ZNF385B: variants seen among roughly 807,000 people sequenced by gnomAD.
ZNF385B encodes zinc finger protein 385B.
A neutral mutation model predicts 39.2 loss-of-function variants in ZNF385B; 23 were observed. The ratio of observed to expected loss-of-function variants is 0.59; its 90% CI spans 0.42 to 0.83. ZNF385B has a LOEUF of 0.83. Among genes scored for constraint, ZNF385B ranks in the 40% least tolerant of loss-of-function variants. ZNF385B has a pLI of 0.00. For synonymous variants in ZNF385B, 205 were observed against 222.6 expected (o/e 0.92, Z 0.70); for missense variants, 552 against 598.9 (o/e 0.92, Z 0.82).
intron 3 of ZNF385B, among the ~76,000 whole-genome samples, chr2:179,705,234 G>A (rs575601480): frequency 1.3e-5 from 2 of 152,116 alleles, no homozygotes; most frequent in African/African-American, 4.8e-5. Flanking sequence ...ACTCATCTCT[G>A]GGCTAGGAGT....
chr2:179,861,493 G>C lies in ZNF385B; in HGVS notation c.-547C>G, dbSNP rs1008977705. On this transcript the variant is annotated 5_prime_UTR_variant, in exon 1 of 10. Transcript: ENST00000410066. Reference sequence around the variant, plus strand: ...CCCCTGGCCTGGCCGAGGACCCCGGGGTTTGGACGTGCCAACGCCACTCTC... The same window carrying C: ...CCCCTGGCCTGGCCGAGGACCCCGGCGTTTGGACGTGCCAACGCCACTCTC... 1 of 152,264 alleles carries C rather than the reference G, an allele frequency of 6.6e-6. No homozygotes were observed. The highest frequency in any genetic ancestry group is 1.5e-5 in the Non-Finnish European group (1 of 68,162). The allele number at this position is 152,264 out of a possible 1,614,324, so 9.4% of individuals were successfully genotyped here. A position where few individuals can be genotyped will look rare whatever the true frequency, so the allele number is the denominator to read the frequency against.
chr2:179,564,195 C>T (rs1226027499), intron 3 of ZNF385B, among the ~76,000 whole-genome samples: 2 of 152,122 alleles, frequency 1.3e-5, no homozygotes, highest in Non-Finnish European at 2.9e-5. Flanking sequence ...CAGCCCCCTA[C>T]ATGACCTGAA....
intron 6 of ZNF385B, among the ~76,000 whole-genome samples, chr2:179,454,612 G>T (rs1288404293): frequency 1.3e-5 from 2 of 152,144 alleles, no homozygotes; most frequent in African/African-American, 4.8e-5. Context: ...CTGTGTAATT[G>T]TGCCTGGAGA....
In ZNF385B at chr2:179,718,406, TTTA is replaced by T. The variant is rs200771693; in HGVS notation, c.298+51094_298+51096del. The stretch of plus-strand genomic sequence containing the variant: ...TATATTATAATCCTACATATAATCA[TTTA>T]TTATCATAAAGATATATATATTTCT... On this transcript the variant is annotated intron_variant, in intron 3 of 9. Transcript: ENST00000410066. Among the ~76,000 whole-genome samples, 1,094 of 148,064 alleles carry T rather than the reference TTTA, an allele frequency of 7.4e-3. 9 individuals are homozygous for T. Among genetic ancestry groups the T allele is most frequent in the African/African-American group, 0.025 (1,032 of 40,874 alleles).
rs532131591 is a variant in ZNF385B, at chr2:179,661,177, C to A, written c.298+108326G>T. Among the ~76,000 whole-genome samples, 6 of 152,166 alleles carry A rather than the reference C, an allele frequency of 3.9e-5. No homozygotes were observed. The East Asian group carries it at 1.2e-3, about 29-fold the overall frequency. Reference sequence around the variant, plus strand: ...AGAAAACTGTAAAAGGGAAATGAATCTAAGTTGGTAAAAGGAAAATGGGGA... The same window carrying A: ...AGAAAACTGTAAAAGGGAAATGAATATAAGTTGGTAAAAGGAAAATGGGGA... On this transcript the variant is annotated intron_variant, in intron 3 of 9. Transcript: ENST00000410066.
At chr2:179,710,287 C>T (rs766449329) in intron 3 of ZNF385B, among the ~76,000 whole-genome samples, 9 of 152,198 alleles carry the variant, frequency 5.9e-5, no homozygotes, top group Admixed American at 2.6e-4. Flanking sequence ...TTTGCCCCAA[C>T]CTGGGACTCA....
At chr2:179,689,531 T>C (rs991910558) in intron 3 of ZNF385B, among the ~76,000 whole-genome samples, 1 of 152,014 alleles carries the variant, frequency 6.6e-6, no homozygotes, top group Non-Finnish European at 1.5e-5. Context: ...GAAGGGAACA[T>C]GGAAAACAAG....
At chr2:179,447,627 G>A (rs920225797) in intron 6 of ZNF385B, among the ~76,000 whole-genome samples, 1 of 152,160 alleles carries the variant, frequency 6.6e-6, no homozygotes, top group Non-Finnish European at 1.5e-5. Context: ...GTAAGCAACA[G>A]CAAAATCCAT....
chr2:179,730,843 C>A (rs1159531021), intron 3 of ZNF385B, among the ~76,000 whole-genome samples: 1 of 152,106 alleles, frequency 6.6e-6, no homozygotes, highest in African/African-American at 2.4e-5. Flanking sequence ...AGCCTAAAAT[C>A]AAAAGTATAA....
At chr2:179,723,672 A>T (rs1175419967) in intron 3 of ZNF385B, among the ~76,000 whole-genome samples, 1 of 152,198 alleles carries the variant, frequency 6.6e-6, no homozygotes, top group African/African-American at 2.4e-5. Flanking sequence ...AATTCCAGAC[A>T]GGAATTACTT....
At chr2:179,706,278 T>C (rs766150172) in intron 3 of ZNF385B, among the ~76,000 whole-genome samples, 11 of 152,160 alleles carry the variant, frequency 7.2e-5, no homozygotes, top group African/African-American at 1.9e-4. Context: ...GAAAATGCCA[T>C]ATAAACTTGC....
intron 1 of ZNF385B, among the ~76,000 whole-genome samples, chr2:179,829,670 T>C (rs911095675): frequency 9.9e-5 from 15 of 152,068 alleles, no homozygotes; most frequent in East Asian, 7.8e-4. Context: ...CCCGCCACCA[T>C]GCCCGGCCAA....
intron 4 of ZNF385B, among the ~76,000 whole-genome samples, chr2:179,530,707 T>A (rs937898274): frequency 2.0e-5 from 3 of 152,248 alleles, no homozygotes; most frequent in Non-Finnish European, 4.4e-5. Context: ...TCTGTTCGAA[T>A]ATATTTCTTC....
chr2:179,495,669 A>G (rs1262678626), intron 5 of ZNF385B, among the ~76,000 whole-genome samples: 2 of 152,134 alleles, frequency 1.3e-5, no homozygotes, highest in South Asian at 4.2e-4. Flanking sequence ...GAGAGACCCT[A>G]TATGTTTGGG....
At chr2:179,493,803 A>ATACATATGTG (rs1559338789) in intron 5 of ZNF385B, among the ~76,000 whole-genome samples, 89 of 119,540 alleles carry the variant, frequency 7.4e-4, no homozygotes, top group South Asian at 1.6e-3. Context: ...ACATATATGT[A>ATACATATGTG]TATATACATA....
chr2:179,553,219 A>G (rs1385717121), intron 3 of ZNF385B, among the ~76,000 whole-genome samples: 6 of 149,212 alleles, frequency 4.0e-5, no homozygotes, highest in Admixed American at 2.7e-4. Context: ...TCAACTGGGA[A>G]TTAGTTGAAA....
chr2:179,742,674 A>G (rs1702150494), intron 3 of ZNF385B, among the ~76,000 whole-genome samples: 1 of 152,052 alleles, frequency 6.6e-6, no homozygotes, highest in South Asian at 2.1e-4. Flanking sequence ...TCACTAAAGT[A>G]TACTCATCTT....
intron 3 of ZNF385B, among the ~76,000 whole-genome samples, chr2:179,686,324 T>C (rs551354917): frequency 1.3e-5 from 2 of 152,194 alleles, no homozygotes; most frequent in Non-Finnish European, 2.9e-5. Flanking sequence ...AACTGCCCCA[T>C]ATTGTGAGCT....
chr2:179,632,729 C>A (rs1296823634), intron 3 of ZNF385B, among the ~76,000 whole-genome samples: 1 of 151,742 alleles, frequency 6.6e-6, no homozygotes, highest in South Asian at 2.1e-4. Context: ...GATGGAGACA[C>A]AAAAAAACCC....
Sources: allele counts gnomAD v4.1 joint callset (sites outside exome capture counted in the v4.1 genomes callset), GRCh38; gene constraint gnomAD v4.1.1; transcripts MANE v1.5; gene names NCBI Gene and HGNC (gene_info 2026-07-23, HGNC 2026-07-21).